Variants in SMIM36 observed in about 807,000 individuals in gnomAD.
SMIM36 encodes the protein small integral membrane protein 36.
the SMIM36 span, among the ~76,000 whole-genome samples, chr17:55,524,983 T>C: frequency 2.0e-5 from 3 of 152,322 alleles, no homozygotes; most frequent in Admixed American, 2.0e-4. Flanking sequence ...TATCCCTCCA[T>C]TTTACAGATG....
rs139815712 is a variant in SMIM36, at chr17:55,486,578, C to T, written c.*175-6998G>A. 2.9e-3 allele frequency among the ~76,000 whole-genome samples: 443 copies of T among 152,242 alleles called. 2 individuals carry two copies. Among genetic ancestry groups the T allele is most frequent in the African/African-American group, 0.01 (425 of 41,536 alleles). On this transcript the variant is annotated intron_variant, in intron 1 of 4. Coordinates refer to ENST00000636752, the Ensembl canonical transcript of SMIM36. ...TAGGTAGTGTGGGTCTGGGTTGGGG[C>T]CTTGGATGTTGCATTTCTAATAAGC... is the stretch of plus-strand genomic sequence containing the variant.
exon 5 of SMIM36, chr17:55,449,977 ATTATT>A (rs1487833566): frequency 6.6e-6 from 1 of 152,260 alleles, no homozygotes; most frequent in East Asian, 1.9e-4. Context: ...AACTGTGACT[ATTATT>A]TTATGTTGTA....
the SMIM36 span, among the ~76,000 whole-genome samples, chr17:55,524,257 TC>T: frequency 2.6e-5 from 4 of 152,340 alleles, no homozygotes; most frequent in African/African-American, 9.6e-5. Flanking sequence ...ATGATCTCAT[TC>T]TTTTTTATGG....
At chr17:55,501,449 A>T (rs1232727943) in intron 1 of SMIM36, among the ~76,000 whole-genome samples, 1 of 86,252 alleles carries the variant, frequency 1.2e-5, no homozygotes, top group Non-Finnish European at 2.0e-5. Context: ...TATAAAATAT[A>T]ATATATTATT....
chr17:55,467,668 T>C (rs1235634228), intron 3 of SMIM36, among the ~76,000 whole-genome samples: 2 of 152,182 alleles, frequency 1.3e-5, no homozygotes, highest in Non-Finnish European at 2.9e-5. Context: ...AGTGCAGGGA[T>C]TGCAGGCGTG....
chr17:55,515,084 G>GTTTTTTTTTTTTTTTTTTTTT (rs1567874075), upstream of SMIM36, among the ~76,000 whole-genome samples: 28 of 56,104 alleles, frequency 5.0e-4, 12 homozygotes, highest in Non-Finnish European at 1.4e-3. Flanking sequence ...TTCTAGTCTA[G>GTTTTTTTTTTTTTTTTTTTTT]TGTTTTTTTT....
intron 4 of SMIM36, among the ~76,000 whole-genome samples, chr17:55,462,565 C>A (rs2143242633): frequency 6.6e-6 from 1 of 152,266 alleles, no homozygotes; most frequent in East Asian, 1.9e-4. Context: ...ATGACAGAAC[C>A]ACTGCACTCC....
chr17:55,511,684 T>G (rs1910184656), upstream of SMIM36, among the ~76,000 whole-genome samples: 1 of 152,102 alleles, frequency 6.6e-6, no homozygotes, highest in Non-Finnish European at 1.5e-5. Context: ...TGAGCAAAAG[T>G]AAGTGTTGTT....
intron 1 of SMIM36, among the ~76,000 whole-genome samples, chr17:55,491,356 A>C (rs1052137708): frequency 3.3e-5 from 5 of 152,044 alleles, no homozygotes; most frequent in African/African-American, 9.7e-5. Flanking sequence ...TGAGGAGTTA[A>C]TATCATCATT....
At chr17:55,519,675 A>G in the SMIM36 span, among the ~76,000 whole-genome samples, 5 of 152,160 alleles carry the variant, frequency 3.3e-5, no homozygotes, top group Non-Finnish European at 7.4e-5. Context: ...GAATGAGGTG[A>G]GCTAAGTGCT....
the SMIM36 span, among the ~76,000 whole-genome samples, chr17:55,524,516 A>G: frequency 6.6e-6 from 1 of 152,132 alleles, no homozygotes; most frequent in Non-Finnish European, 1.5e-5. Context: ...GCAATAGGTG[A>G]ACTAATTTAC....
chr17:55,485,149 A>T (rs1909582171), intron 1 of SMIM36, among the ~76,000 whole-genome samples: 1 of 152,248 alleles, frequency 6.6e-6, no homozygotes, highest in Non-Finnish European at 1.5e-5. Context: ...TTATTAAAGG[A>T]TAGATTAGGC....
At chr17:55,475,464 C>A (rs544793271) in intron 3 of SMIM36, among the ~76,000 whole-genome samples, 5 of 152,352 alleles carry the variant, frequency 3.3e-5, no homozygotes, top group Admixed American at 3.3e-4. Flanking sequence ...CTCACTCTCT[C>A]CTAGCCATTT....
intron 1 of SMIM36, among the ~76,000 whole-genome samples, chr17:55,490,091 G>A (rs1279508028): frequency 6.6e-6 from 1 of 151,704 alleles, no homozygotes; most frequent in Non-Finnish European, 1.5e-5. Flanking sequence ...TCCTGACCTC[G>A]TAATCTGCCT....
chr17:55,530,506 T>C, the SMIM36 span, among the ~76,000 whole-genome samples: 1 of 152,216 alleles, frequency 6.6e-6, no homozygotes, highest in East Asian at 1.9e-4. Context: ...CAGGAGAGGC[T>C]GGGCGCGGTG....
chr17:55,475,221 T>C (rs1009083993), intron 3 of SMIM36, among the ~76,000 whole-genome samples: 1 of 152,128 alleles, frequency 6.6e-6, no homozygotes, highest in Non-Finnish European at 1.5e-5. Context: ...ACACTGCCGG[T>C]TTACACTTTT....
chr17:55,500,346 A>C (rs1356763561), intron 1 of SMIM36, among the ~76,000 whole-genome samples: 1 of 152,082 alleles, frequency 6.6e-6, no homozygotes, highest in Non-Finnish European at 1.5e-5. Context: ...GCTGGTCTCA[A>C]ACTCTTGGTC....
At chr17:55,451,213 A>G (rs1908910838) in intron 4 of SMIM36, among the ~76,000 whole-genome samples, 2 of 152,096 alleles carry the variant, frequency 1.3e-5, no homozygotes. Flanking sequence ...TCCATAGACT[A>G]AGACCCTAAT....
chr17:55,463,023 C>T (rs1454915407), intron 4 of SMIM36, among the ~76,000 whole-genome samples: 2 of 152,138 alleles, frequency 1.3e-5, no homozygotes, highest in Non-Finnish European at 2.9e-5. Context: ...GCCTCTGAGT[C>T]AGAAGGAAAA....
Sources: gnomAD v4.1 joint callset for allele counts (sites outside exome capture counted in the v4.1 genomes callset) on GRCh38, gnomAD v4.1.1 for gene constraint, MANE v1.5 for transcripts, NCBI Gene and HGNC (gene_info 2026-07-23, HGNC 2026-07-21) for gene names.